The following FSHR variants were observed in gnomAD, a reference collection of about 807,000 sequenced individuals.
The protein encoded by FSHR is follicle-stimulating hormone receptor.
In FSHR, 46 loss-of-function variants were observed where a neutral mutation model predicts 52.1. The ratio of observed to expected loss-of-function variants is 0.88; its 90% CI spans 0.70 to 1.13. The LOEUF is 1.13. FSHR is among the 50% of genes most tolerant of loss of function. The probability of loss-of-function intolerance (pLI) is 0.00; values close to 1 mark genes in which losing one functional copy is unlikely to be tolerated. For synonymous variants in FSHR, 399 were observed against 309.6 expected, an observed-to-expected ratio of 1.29 and a Z score of -3.03; for missense variants, 964 against 834.6, an observed-to-expected ratio of 1.16 and a Z score of -1.91.
chr2:49,071,221 T>G (rs1423660708), intron 1 of FSHR, among the ~76,000 whole-genome samples: 5 of 152,042 alleles, frequency 3.3e-5, no homozygotes, highest in Non-Finnish European at 5.9e-5. Context: ...GATTCAGAGA[T>G]CTCAACAAAT....
At chr2:49,070,347 A>T (rs1669682452) in intron 1 of FSHR, among the ~76,000 whole-genome samples, 1 of 152,192 alleles carries the variant, frequency 6.6e-6, no homozygotes, top group Non-Finnish European at 1.5e-5. Flanking sequence ...ATCAAAGATT[A>T]TCTACTTCTA....
At chr2:49,149,613 T>G (rs2103858314) in intron 1 of FSHR, among the ~76,000 whole-genome samples, 1 of 152,184 alleles carries the variant, frequency 6.6e-6, no homozygotes, top group African/African-American at 2.4e-5. Context: ...CGCCTTGGTA[T>G]AGCAAAGGCT....
chr2:49,095,861 AG>A (rs1198601017), intron 1 of FSHR, among the ~76,000 whole-genome samples: 2 of 152,316 alleles, frequency 1.3e-5, no homozygotes, highest in African/African-American at 4.8e-5. Context: ...ACATATGAAA[AG>A]ATGCTCAATA....
chr2:49,016,336 C>T (rs1316374067), intron 4 of FSHR, among the ~76,000 whole-genome samples: 1 of 152,166 alleles, frequency 6.6e-6, no homozygotes, highest in African/African-American at 2.4e-5. Context: ...GAAGTAGCAT[C>T]TTCACCTTTT....
intron 1 of FSHR, among the ~76,000 whole-genome samples, chr2:49,080,827 A>C (rs1366405266): frequency 6.6e-6 from 1 of 152,140 alleles, no homozygotes; most frequent in Non-Finnish European, 1.5e-5. Context: ...CAACTAATCC[A>C]AAGTCCATAC....
intron 2 of FSHR, among the ~76,000 whole-genome samples, chr2:49,027,423 T>C (rs1667944519): frequency 6.6e-6 from 1 of 152,084 alleles, no homozygotes; most frequent in Non-Finnish European, 1.5e-5. Flanking sequence ...GTAGAGAAAA[T>C]AGTGAAGTGG....
intron 4 of FSHR, among the ~76,000 whole-genome samples, chr2:49,012,356 A>G (rs1189570508): frequency 6.6e-6 from 1 of 152,158 alleles, no homozygotes; most frequent in Non-Finnish European, 1.5e-5. Flanking sequence ...AAATCCACCC[A>G]GATGAATCCT....
At chr2:49,058,041 A>G (rs944442966) in intron 2 of FSHR, among the ~76,000 whole-genome samples, 4 of 152,224 alleles carry the variant, frequency 2.6e-5, no homozygotes, top group African/African-American at 9.6e-5. Context: ...GCCATATATG[A>G]CATACCTTCA....
At chr2:49,044,054 A>G (rs1668572953) in intron 2 of FSHR, among the ~76,000 whole-genome samples, 1 of 152,190 alleles carries the variant, frequency 6.6e-6, no homozygotes, top group South Asian at 2.1e-4. Flanking sequence ...TTTTACGTGA[A>G]TTCCAATTTC....
In FSHR at chr2:48,963,654, GGTA is replaced by G; in HGVS notation, c.1164_1166del (p.Thr389del). The G allele has an allele frequency of 6.2e-7, 1 of 1,614,144 alleles. No homozygotes were observed. The stretch of plus-strand genomic sequence containing the variant: ...TGGGGACTGTGAGTTTATATTGGCT[GGTA>G]GTTAGGATCACTAGCACTATGATGT... On this transcript the variant is annotated inframe_deletion, in exon 10 of 10. Transcript: ENST00000406846.
In FSHR at chr2:49,119,691, C is replaced by T. The variant is rs991601304; in HGVS notation, c.152+34575G>A. On this transcript the variant is annotated intron_variant, in intron 1 of 9. Coordinates refer to ENST00000406846, the MANE Select transcript of FSHR (RefSeq NM_000145.4). ...AGGTAACATATATCACCCTTGGACA[C>T]GCTCCCTTTGCAGTGGTTATGATTG... Among the ~76,000 whole-genome samples, 11 of 152,214 alleles carry T rather than the reference C, an allele frequency of 7.2e-5. No individual in the cohort carries two copies. The South Asian group carries it at 8.3e-4, about 11-fold the overall frequency.
chr2:49,011,172 A>G (rs1667256497), intron 4 of FSHR, among the ~76,000 whole-genome samples: 1 of 151,122 alleles, frequency 6.6e-6, no homozygotes, highest in Non-Finnish European at 1.5e-5. Flanking sequence ...ATTTAGTGCT[A>G]TAAATTTCCC....
intron 1 of FSHR, among the ~76,000 whole-genome samples, chr2:49,140,533 G>A (rs547062805): frequency 2.0e-5 from 3 of 151,716 alleles, no homozygotes; most frequent in African/African-American, 4.8e-5. Context: ...CTGCAAGAAT[G>A]GCCTAACACT....
chr2:49,113,928 A>G (rs930061744), intron 1 of FSHR, among the ~76,000 whole-genome samples: 2 of 152,168 alleles, frequency 1.3e-5, no homozygotes, highest in African/African-American at 2.4e-5. Context: ...AGTTGTCTCA[A>G]GTGAGCCTTG....
At chr2:49,021,568 T>C (rs377743918) in intron 2 of FSHR, among the ~76,000 whole-genome samples, 2 of 150,902 alleles carry the variant, frequency 1.3e-5, no homozygotes, top group African/African-American at 4.9e-5. Context: ...AGAAGGCCCC[T>C]GGGGGAGGGG....
intron 2 of FSHR, among the ~76,000 whole-genome samples, chr2:49,049,102 C>T (rs1258544835): frequency 6.6e-6 from 1 of 151,524 alleles, no homozygotes; most frequent in Non-Finnish European, 1.5e-5. Flanking sequence ...AGAGCAGAGC[C>T]ACAAGGATAT....
At chr2:49,114,128 C>T (rs888454510) in intron 1 of FSHR, among the ~76,000 whole-genome samples, 2 of 152,144 alleles carry the variant, frequency 1.3e-5, no homozygotes, top group Non-Finnish European at 1.5e-5. Flanking sequence ...TCCCCTCCTT[C>T]GTTACCACAG....
chr2:49,089,093 C>CTAATA lies in FSHR; in HGVS notation c.153-20808_153-20804dup, dbSNP rs141082451. Among the ~76,000 whole-genome samples, 743 of 150,102 alleles carry CTAATA rather than the reference C, an allele frequency of 4.9e-3. 4 individuals are homozygous for CTAATA. Among genetic ancestry groups the CTAATA allele is most frequent in the African/African-American group, 0.016 (669 of 40,896 alleles). On this transcript the variant is annotated intron_variant, in intron 1 of 9. Transcript: ENST00000406846. ...TGCAATTGTGTATCCAAATTCACTT[C>CTAATA]TAATATAATATAATATAATATTTAT...
intron 4 of FSHR, among the ~76,000 whole-genome samples, chr2:49,016,898 T>C (rs1222036617): frequency 2.6e-5 from 4 of 152,170 alleles, no homozygotes; most frequent in African/African-American, 9.7e-5. Flanking sequence ...AACTGTTATT[T>C]TGTGGGGTCC....
Sources: allele counts gnomAD v4.1 joint callset (sites outside exome capture counted in the v4.1 genomes callset), GRCh38; gene constraint gnomAD v4.1.1; transcripts MANE v1.5; gene names NCBI Gene and HGNC (gene_info 2026-07-23, HGNC 2026-07-21).